The following MTUS1 variants were observed in gnomAD, a reference collection of about 807,000 sequenced individuals.
MTUS1 encodes the protein microtubule-associated tumor suppressor 1.
MTUS1 carries 109 observed loss-of-function variants against 120.8 expected under a neutral mutation model. The observed-to-expected ratio is 0.90, with a 90% confidence interval of 0.77 to 1.06. The LOEUF (loss-of-function observed/expected upper bound fraction) is 1.06, where lower values mean the gene tolerates loss of function less well. Ranked by LOEUF, MTUS1 falls within the 50% of genes least tolerant of loss-of-function variation. The pLI is 0.00. For synonymous variants in MTUS1, 737 were observed against 550.5 expected (o/e 1.34, Z -4.74); for missense variants, 2,210 against 1,486.3 (o/e 1.49, Z -8.01).
intron 8 of MTUS1, among the ~76,000 whole-genome samples, chr8:17,670,598 C>A (rs543621730): frequency 2.0e-5 from 3 of 152,054 alleles, no homozygotes; most frequent in African/African-American, 7.2e-5. Context: ...CCGAGACGGG[C>A]GGATCACTTG....
chr8:17,768,427 G>C (rs1366567181), intron 1 of MTUS1, among the ~76,000 whole-genome samples: 1 of 151,936 alleles, frequency 6.6e-6, no homozygotes, highest in African/African-American at 2.4e-5. Flanking sequence ...AATTATCCAA[G>C]GAAAACTAAT....
chr8:17,730,969 T>A (rs114030219), intron 3 of MTUS1, among the ~76,000 whole-genome samples: 1,920 of 139,786 alleles, frequency 0.014, 36 homozygotes, highest in African/African-American at 0.049. Flanking sequence ...AATGGCACAT[T>A]CTGTGCAATA....
At chr8:17,766,000 T>G (rs140193319) in intron 1 of MTUS1, among the ~76,000 whole-genome samples, 1 of 152,186 alleles carries the variant, frequency 6.6e-6, no homozygotes, top group Non-Finnish European at 1.5e-5. Flanking sequence ...CTTTACATAC[T>G]ATAAATTATA....
At chr8:17,682,075 C>A (rs947832593) in intron 7 of MTUS1, among the ~76,000 whole-genome samples, 3 of 152,224 alleles carry the variant, frequency 2.0e-5, no homozygotes, top group Admixed American at 2.0e-4. Context: ...TAGTGGCTAC[C>A]ACACTGGACA....
Position 17,755,444 on chromosome 8 carries a change from G to A in MTUS1, c.364C>T (p.His122Tyr), listed in dbSNP as rs368949641. ...TGGCCCTCAACTGCTTCTAGGGAAT[G>A]ACAACTGTGTTGCAGATATTTGGGC... ...EKPKYLQHSC[H>Y]SLEAVEGQSV... Residue 122 changes from histidine to tyrosine, a missense_variant, in exon 2 of 15, where the codon CAT becomes TAT. By Grantham distance (83) the His-to-Tyr change is moderately conservative. Coordinates refer to ENST00000693296, the MANE Select transcript of MTUS1 (RefSeq NM_001363059.2). The A allele has an allele frequency of 1.9e-5, 30 of 1,614,210 alleles. No individual in the cohort carries two copies. In the African/African-American group the frequency reaches 3.7e-4, roughly 20 times the overall value.
chr8:17,702,112 T>C (rs1240435816), intron 6 of MTUS1, among the ~76,000 whole-genome samples: 1 of 152,178 alleles, frequency 6.6e-6, no homozygotes, highest in Non-Finnish European at 1.5e-5. Flanking sequence ...AATAAGTAAA[T>C]AAATTACTTT....
At position 17,754,067 on chromosome 8, in the gene MTUS1, T is replaced by A; in HGVS notation, c.1741A>T (p.Lys581Ter). 1 of 1,614,184 alleles carries A rather than the reference T, an allele frequency of 6.2e-7. No individual in the cohort carries two copies. The highest frequency in any genetic ancestry group is 8.5e-7 in the Non-Finnish European group (1 of 1,180,022). Residue 581 changes from lysine to a stop codon, truncating the protein, a stop_gained, in exon 2 of 15, where the codon AAA becomes TAA. Transcript: ENST00000693296. LOFTEE classifies it high-confidence loss of function. ...INKTHKQQFNKLITSQAVHVT... is the reference protein window; with the variant it reads ...INKTHKQQFN ...TGCACAGCCTGGCTAGTAATGAGTTTATTAAACTGCTGCTTATGTGTCTTG... is the reference window on the plus strand; with the variant it reads ...TGCACAGCCTGGCTAGTAATGAGTTAATTAAACTGCTGCTTATGTGTCTTG...
intron 6 of MTUS1, among the ~76,000 whole-genome samples, chr8:17,702,089 C>G (rs1259341317): frequency 6.6e-6 from 1 of 152,084 alleles, no homozygotes; most frequent in Non-Finnish European, 1.5e-5. Context: ...GTAAACAATT[C>G]TGAAAAGCAG....
chr8:17,766,768 G>A (rs764270738), intron 1 of MTUS1, among the ~76,000 whole-genome samples: 1 of 152,080 alleles, frequency 6.6e-6, no homozygotes, highest in Non-Finnish European at 1.5e-5. Flanking sequence ...CAGAGTTAAT[G>A]GATGTTAAAA....
intron 1 of MTUS1, among the ~76,000 whole-genome samples, chr8:17,760,155 G>A (rs1030598965): frequency 6.6e-6 from 1 of 150,918 alleles, no homozygotes; most frequent in South Asian, 2.1e-4. Context: ...GTTCACAGCT[G>A]CAGTAAGCTA....
chr8:17,748,976 C>G (rs1252396069), intron 2 of MTUS1, among the ~76,000 whole-genome samples: 9 of 152,198 alleles, frequency 5.9e-5, no homozygotes, highest in African/African-American at 2.2e-4. Context: ...TTGCAATTCT[C>G]CCTTTACATT....
intron 7 of MTUS1, 42 bp from the exon 8 acceptor site, chr8:17,675,294 G>GTCCC (rs752376128): frequency 1.3e-6 from 2 of 1,573,908 alleles, no homozygotes; most frequent in Admixed American, 3.3e-5. Context: ...TTTCAAGAGG[G>GTCCC]TCCCTTTCAG....
intron 6 of MTUS1, among the ~76,000 whole-genome samples, chr8:17,712,429 C>G (rs1470732581): frequency 5.3e-5 from 8 of 152,040 alleles, no homozygotes; most frequent in Admixed American, 3.9e-4. Flanking sequence ...CTCTGCCTCC[C>G]AGGTTCAAGC....
At chr8:17,795,202 C>T (rs112817862) in intron 1 of MTUS1, among the ~76,000 whole-genome samples, 404 of 152,224 alleles carry the variant, frequency 2.7e-3, no homozygotes, top group Non-Finnish European at 4.6e-3. Flanking sequence ...CTGTCACAAA[C>T]ATTATTTACA....
chr8:17,778,436 A>G (rs2050621193), intron 1 of MTUS1, among the ~76,000 whole-genome samples: 1 of 152,246 alleles, frequency 6.6e-6, no homozygotes, highest in Non-Finnish European at 1.5e-5. Flanking sequence ...GTGGTTGCAC[A>G]GCTACAGGTG....
In MTUS1 at chr8:17,798,731, T is replaced by C. The variant is rs549007653; in HGVS notation, c.-155+2330A>G. Among the ~76,000 whole-genome samples, 6 of 152,314 alleles carry C rather than the reference T, an allele frequency of 3.9e-5. No individual in the cohort carries two copies. In the South Asian group the frequency reaches 8.3e-4, roughly 21 times the overall value. Reference sequence around the variant, plus strand: ...TGTTTTGAGAAAGTCAACAGATTTATCAACATTAAAGAAATTTGTGTATGT... The same window carrying C: ...TGTTTTGAGAAAGTCAACAGATTTACCAACATTAAAGAAATTTGTGTATGT... On this transcript the variant is annotated intron_variant, in intron 1 of 14. Coordinates refer to ENST00000693296, the MANE Select transcript of MTUS1 (RefSeq NM_001363059.2).
At chr8:17,732,052 G>T (rs2046621104) in intron 3 of MTUS1, among the ~76,000 whole-genome samples, 1 of 152,176 alleles carries the variant, frequency 6.6e-6, no homozygotes, top group African/African-American at 2.4e-5. Flanking sequence ...AGAGGAGGAG[G>T]TCCCTGCCCT....
chr8:17,731,302 T>A (rs2046558955), intron 3 of MTUS1, among the ~76,000 whole-genome samples: 1 of 152,194 alleles, frequency 6.6e-6, no homozygotes, highest in Admixed American at 6.5e-5. Flanking sequence ...TCACACTGCC[T>A]AGTGAGCAGG....
chr8:17,684,315 T>C lies in MTUS1; in HGVS notation c.2838+13A>G. The stretch of plus-strand genomic sequence containing the variant: ...TCAAGTAGAAAGGCTCTTTCTAGGA[T>C]GCACCTCCTTACCTCAGACAGCAGG... On this transcript the variant is annotated intron_variant, in intron 7 of 14. Coordinates refer to ENST00000693296, the MANE Select transcript of MTUS1 (RefSeq NM_001363059.2). 1.9e-6 allele frequency: 3 copies of C among 1,607,224 alleles called. No homozygotes were observed. The highest frequency in any genetic ancestry group is 2.6e-6 in the Non-Finnish European group (3 of 1,173,652).
Sources: gnomAD v4.1 joint callset for allele counts (sites outside exome capture counted in the v4.1 genomes callset) on GRCh38, gnomAD v4.1.1 for gene constraint, MANE v1.5 for transcripts, NCBI Gene and HGNC (gene_info 2026-07-23, HGNC 2026-07-21) for gene names.